The following RIMBP2 variants were observed in gnomAD, a reference collection of about 807,000 sequenced individuals.
RIMBP2 encodes the protein RIMS binding protein 2.
RIMBP2 carries 48 observed loss-of-function variants against 118.6 expected under a neutral mutation model. The observed-to-expected ratio is 0.40, with a 90% CI of 0.32 to 0.51. The LOEUF is 0.51. Among genes scored for constraint, RIMBP2 ranks in the 20% least tolerant of loss-of-function variants. The pLI is 0.41. For missense variants in RIMBP2, 1,551 were observed against 1,768.3 expected (o/e 0.88, Z 2.20); for synonymous variants, 762 against 742.9 (o/e 1.03, Z -0.42).
At chr12:130,471,262 CAT>C (rs1197663196) in intron 5 of RIMBP2, among the ~76,000 whole-genome samples, 1 of 152,256 alleles carries the variant, frequency 6.6e-6, no homozygotes, top group African/African-American at 2.4e-5. Flanking sequence ...AATAACTTCA[CAT>C]GTTTCACTAC....
At chr12:130,640,723 A>AC (rs1266172545) in intron 1 of RIMBP2, among the ~76,000 whole-genome samples, 1 of 152,166 alleles carries the variant, frequency 6.6e-6, no homozygotes, top group East Asian at 1.9e-4. Context: ...GGGGATTTGG[A>AC]CGTCGGCATC....
At chr12:130,573,307 T>C (rs2057829045) in intron 2 of RIMBP2, among the ~76,000 whole-genome samples, 1 of 151,800 alleles carries the variant, frequency 6.6e-6, no homozygotes, top group Non-Finnish European at 1.5e-5. Flanking sequence ...AAAATAACTG[T>C]TGGATTGCAG....
chr12:130,588,816 G>A (rs536201140), intron 2 of RIMBP2, among the ~76,000 whole-genome samples: 1 of 152,338 alleles, frequency 6.6e-6, no homozygotes, highest in African/African-American at 2.4e-5. Flanking sequence ...TTCCCTAAGT[G>A]TCTGCCAAGA....
intron 2 of RIMBP2, among the ~76,000 whole-genome samples, chr12:130,570,707 A>T (rs1320121071): frequency 6.6e-6 from 1 of 152,176 alleles, no homozygotes; most frequent in Non-Finnish European, 1.5e-5. Context: ...TGACTCTAGC[A>T]GTTCCCACCA....
chr12:130,449,597 GT>G (rs1319758223), intron 9 of RIMBP2, among the ~76,000 whole-genome samples: 1 of 152,076 alleles, frequency 6.6e-6, no homozygotes, highest in Non-Finnish European at 1.5e-5. Context: ...TTCACTCTCG[GT>G]GGCGGGATGT....
chr12:130,715,803 G>C (rs578245253), intron 1 of RIMBP2, among the ~76,000 whole-genome samples: 4 of 140,086 alleles, frequency 2.9e-5, no homozygotes, highest in African/African-American at 1.1e-4. Flanking sequence ...GCCCTGAGCC[G>C]CTGCTGTCTG....
At chr12:130,558,172 C>T (rs549794139) in intron 2 of RIMBP2, among the ~76,000 whole-genome samples, 76 of 152,260 alleles carry the variant, frequency 5.0e-4, no homozygotes, top group African/African-American at 1.7e-3. Flanking sequence ...CAATGGCAGG[C>T]TGACTTTTCC....
At chr12:130,660,034 G>C (rs1490798074) in intron 1 of RIMBP2, 2 of 129,246 alleles carry the variant, frequency 1.5e-5, no homozygotes, top group Non-Finnish European at 3.6e-5. Context: ...TCCCGCACAG[G>C]GTCACTCTGT....
intron 9 of RIMBP2, among the ~76,000 whole-genome samples, chr12:130,449,008 G>A (rs2078771985): frequency 6.6e-6 from 1 of 152,232 alleles, no homozygotes; most frequent in South Asian, 2.1e-4. Flanking sequence ...CAGAGTTTAA[G>A]GATCTAGTGA....
chr12:130,496,502 T>G (rs1409545096), intron 4 of RIMBP2, among the ~76,000 whole-genome samples: 1 of 152,120 alleles, frequency 6.6e-6, no homozygotes, highest in Non-Finnish European at 1.5e-5. Context: ...TGAGCAGCTC[T>G]GGGGTAGAGG....
intron 1 of RIMBP2, among the ~76,000 whole-genome samples, chr12:130,647,116 G>A (rs965832284): frequency 6.6e-6 from 1 of 152,174 alleles, no homozygotes; most frequent in Non-Finnish European, 1.5e-5. Flanking sequence ...AATTGGCCCT[G>A]GGAAGTAAAT....
At chr12:130,439,291 A>C (rs2077826528) in intron 11 of RIMBP2, among the ~76,000 whole-genome samples, 1 of 151,538 alleles carries the variant, frequency 6.6e-6, no homozygotes, top group South Asian at 2.1e-4. Flanking sequence ...GTGTGTGTAT[A>C]TGTGGGTGTG....
chr12:130,666,617 T>G (rs1184953798), intron 1 of RIMBP2, among the ~76,000 whole-genome samples: 1 of 148,756 alleles, frequency 6.7e-6, no homozygotes, highest in Non-Finnish European at 1.5e-5. Context: ...TCCTGGCACA[T>G]AGAGATCAGT....
chr12:130,592,618 G>C (rs904349471), intron 2 of RIMBP2, among the ~76,000 whole-genome samples: 1 of 151,760 alleles, frequency 6.6e-6, no homozygotes, highest in Admixed American at 6.6e-5. Context: ...CAACCCGGAC[G>C]GCAGAGGTTG....
intron 1 of RIMBP2, among the ~76,000 whole-genome samples, chr12:130,654,346 A>G (rs2063342253): frequency 6.6e-6 from 1 of 152,240 alleles, no homozygotes; most frequent in Non-Finnish European, 1.5e-5. Context: ...TCAAACTTCC[A>G]TAAAGCCCTA....
rs138306363 is a variant in RIMBP2 at position 130,475,079 on chromosome 12, CTG to C, written c.102+3831_102+3832del. ...CTTGGCTGCCTTTTGCCTTTTTAAA[CTG>C]TGTCTCTGCTCAGGTCCCAGAGACG... On this transcript the variant is annotated intron_variant, in intron 5 of 22. Transcript: ENST00000690449. This position sits in a 1 kb window ranked among gnomAD's most constrained non-coding sequence, Gnocchi z 4.1. Among the ~76,000 whole-genome samples the C allele has an allele frequency of 3.3e-5, 5 of 152,324 alleles. No homozygotes were observed. The East Asian group carries it at 9.7e-4, about 29-fold the overall frequency.
At chr12:130,714,872 C>T (rs1453820875) in intron 1 of RIMBP2, among the ~76,000 whole-genome samples, 1 of 152,118 alleles carries the variant, frequency 6.6e-6, no homozygotes, top group Admixed American at 6.5e-5. Flanking sequence ...TCCCGGACAG[C>T]CCAGCAAGGC....
At position 130,414,314 on chromosome 12, in the gene RIMBP2, C is replaced by T; in HGVS notation, c.3239-8G>A. On this transcript the variant is annotated splice_region_variant and splice_polypyrimidine_tract_variant and intron_variant, in intron 17 of 22. Transcript: ENST00000690449. The stretch of plus-strand genomic sequence containing the variant: ...GGTCTCGCCCGTAATCGTCTGCGAG[C>T]AAGTGGGGGTGAAGAACAGAGCGGC... 6.4e-7 allele frequency: 1 copy of T among 1,571,796 alleles called. No homozygotes were observed. Among genetic ancestry groups the T allele is most frequent in the Non-Finnish European group, 8.6e-7 (1 of 1,157,228 alleles).
rs762564989 is a variant in RIMBP2 at position 130,414,317 on chromosome 12, G to A, written c.3239-11C>T. 13 of 1,570,390 alleles carry A rather than the reference G, an allele frequency of 8.3e-6. No homozygotes were observed. Among genetic ancestry groups the A allele is most frequent in the Non-Finnish European group, 1.1e-5 (13 of 1,156,626 alleles). On this transcript the variant is annotated splice_polypyrimidine_tract_variant and intron_variant, in intron 17 of 22. Transcript: ENST00000690449. ...CTCGCCCGTAATCGTCTGCGAGCAA[G>A]TGGGGGTGAAGAACAGAGCGGCAGT...
Sources: gnomAD v4.1 joint callset for allele counts (sites outside exome capture counted in the v4.1 genomes callset) on GRCh38, gnomAD v4.1.1 for gene constraint, Gnocchi (gnomAD v3.1) non-coding constraint, MANE v1.5 for transcripts, NCBI Gene and HGNC (gene_info 2026-07-23, HGNC 2026-07-21) for gene names.